The following DHX15 variants were observed in gnomAD, a reference collection of about 807,000 sequenced individuals.
The protein encoded by DHX15 is DEAH-box helicase 15.
Under a neutral mutation model 94.4 loss-of-function variants are expected in DHX15, and 11 were observed. That is an observed-to-expected ratio of 0.12 (90% CI 0.07 to 0.19). DHX15 has a LOEUF of 0.19. Ranked by LOEUF, DHX15 falls within the 10% of genes least tolerant of loss-of-function variation. The probability of loss-of-function intolerance (pLI) is 1.00; values close to 1 mark genes in which losing one functional copy is unlikely to be tolerated. For synonymous variants in DHX15, 338 were observed against 329.9 expected, an observed-to-expected ratio of 1.02 and a Z score of -0.27; for missense variants, 304 against 988.5, an observed-to-expected ratio of 0.31 and a Z score of 9.29.
At chr4:24,555,849 A>C (rs1261540076) in intron 4 of DHX15, among the ~76,000 whole-genome samples, 1 of 152,184 alleles carries the variant, frequency 6.6e-6, no homozygotes, top group African/African-American at 2.4e-5. Context: ...TCCTGTGTAT[A>C]GTTATTTCCA....
At chr4:24,539,440 T>C (rs1721261252) in intron 10 of DHX15, among the ~76,000 whole-genome samples, 3 of 152,194 alleles carry the variant, frequency 2.0e-5, no homozygotes, top group Non-Finnish European at 4.4e-5. Flanking sequence ...TTACTATTCA[T>C]TTGTGGATTA....
At chr4:24,584,118 A>T (rs1379245420) in intron 1 of DHX15, 1 of 581,202 alleles carries the variant, frequency 1.7e-6, no homozygotes, top group Non-Finnish European at 3.0e-6. Context: ...TGGGCTGGGC[A>T]GCGGCCCCGT....
chr4:24,562,752 A>T (rs1212070939), intron 3 of DHX15, among the ~76,000 whole-genome samples: 3 of 152,208 alleles, frequency 2.0e-5, no homozygotes, highest in Non-Finnish European at 2.9e-5. Context: ...TGAAATGATA[A>T]ACCCCAAGCA....
intron 6 of DHX15, among the ~76,000 whole-genome samples, chr4:24,546,652 T>G (rs991992843): frequency 6.6e-6 from 1 of 152,226 alleles, no homozygotes; most frequent in African/African-American, 2.4e-5. Context: ...CGTTCACCAT[T>G]AGTGCTGTAA....
chr4:24,545,268 T>TC (rs1462986076), intron 6 of DHX15, among the ~76,000 whole-genome samples: 2 of 152,254 alleles, frequency 1.3e-5, no homozygotes, highest in African/African-American at 4.8e-5. Context: ...ATATTTCTTC[T>TC]ATAACATAAT....
At chr4:24,536,140 T>C (rs1483437110) in intron 11 of DHX15, among the ~76,000 whole-genome samples, 2 of 152,206 alleles carry the variant, frequency 1.3e-5, no homozygotes, top group African/African-American at 4.8e-5. Context: ...ATTGTTATTA[T>C]GTTTCCTCAT....
chr4:24,540,477 A>G (rs1443056731), intron 9 of DHX15, among the ~76,000 whole-genome samples, 178 bp from the exon 10 acceptor site: 1 of 152,170 alleles, frequency 6.6e-6, no homozygotes, highest in African/African-American at 2.4e-5. Flanking sequence ...AAACATTGCA[A>G]AATTTTCCTG....
intron 5 of DHX15, among the ~76,000 whole-genome samples, chr4:24,553,075 C>G (rs1577340913): frequency 6.6e-6 from 1 of 152,222 alleles, no homozygotes. Context: ...GTAATCCCAG[C>G]ACTTTGGGAG....
At chr4:24,584,291 A>T (rs1250488075) in intron 1 of DHX15, 32 bp downstream of exon 1, 1 of 1,599,704 alleles carries the variant, frequency 6.3e-7, no homozygotes, top group South Asian at 1.1e-5. Flanking sequence ...ACAAAGCCCG[A>T]GCTGCCGCCT....
At chr4:24,577,578 T>A (rs979653931) in intron 1 of DHX15, among the ~76,000 whole-genome samples, 1 of 152,194 alleles carries the variant, frequency 6.6e-6, no homozygotes, top group African/African-American at 2.4e-5. Context: ...TTAAGTTGTT[T>A]AACATGTTAA....
chr4:24,560,839 T>A (rs1721858564), intron 3 of DHX15, among the ~76,000 whole-genome samples: 1 of 152,188 alleles, frequency 6.6e-6, no homozygotes, highest in Non-Finnish European at 1.5e-5. Context: ...TATACAAAAA[T>A]GTTCAATTTC....
chr4:24,533,071 C>T lies in DHX15; in HGVS notation c.1910-17G>A, dbSNP rs750669285. 29 of 1,610,150 alleles carry T rather than the reference C, an allele frequency of 1.8e-5. No homozygotes were observed. The highest frequency in any genetic ancestry group is 1.1e-4 in the African/African-American group (8 of 74,766). ...ATTCATGATCTAAAAAGGTAGAAGG[C>T]GGGGAGAAAAGAAGGCACCATGAAT... On this transcript the variant is annotated splice_polypyrimidine_tract_variant and intron_variant, in intron 11 of 13. Transcript: ENST00000336812.
chr4:24,540,245 T>C lies in DHX15; in HGVS notation c.1649A>G (p.Asn550Ser). Residue 550 changes from asparagine (N) to serine (S), a missense_variant, in exon 10 of 14, where the codon AAT becomes AGT. Physicochemically the swap from Asn to Ser is conservative, Grantham distance 46. Coordinates refer to ENST00000336812, the MANE Select transcript of DHX15 (RefSeq NM_001358.3). ...LELLNYLAALNDDGDLTELGS... is the reference protein window; with the variant it reads ...LELLNYLAALSDDGDLTELGS... ...CAATTCAGTCAGATCTCCATCATCA[T>C]TTAAAGCAGCCAGGTAATTCAAAAG... 6.2e-7 allele frequency: 1 copy of C among 1,613,536 alleles called. No homozygotes were observed. The highest frequency in any genetic ancestry group is 8.5e-7 in the Non-Finnish European group (1 of 1,179,576).
intron 1 of DHX15, among the ~76,000 whole-genome samples, chr4:24,582,794 TCTGAGTCTGTGACATA>T (rs1170736142): frequency 6.6e-6 from 1 of 152,190 alleles, no homozygotes; most frequent in African/African-American, 2.4e-5. Flanking sequence ...TGCTTCCAGC[TCTGAGTCTGTGACATA>T]CAGCTCAGAG....
intron 3 of DHX15, among the ~76,000 whole-genome samples, chr4:24,562,131 CAAAAAAAAA>C (rs71196191): frequency 1.0e-4 from 8 of 77,814 alleles, no homozygotes; most frequent in Admixed American, 3.6e-4. Flanking sequence ...GACACTGTCT[CAAAAAAAAA>C]AAAAAAAAAA....
intron 8 of DHX15, 48 bp downstream of exon 8, chr4:24,541,825 C>A: frequency 6.8e-7 from 1 of 1,477,334 alleles, no homozygotes; most frequent in South Asian, 1.4e-5. Flanking sequence ...TAAGATAATT[C>A]AACCTAACAT....
At chr4:24,569,461 G>T (rs753106134) in intron 3 of DHX15, among the ~76,000 whole-genome samples, 4 of 151,920 alleles carry the variant, frequency 2.6e-5, no homozygotes, top group African/African-American at 9.6e-5. Context: ...GCATGGTGGC[G>T]CACACCTATA....
chr4:24,580,097 C>G (rs1051701272), intron 1 of DHX15, among the ~76,000 whole-genome samples: 2 of 152,170 alleles, frequency 1.3e-5, no homozygotes, highest in Non-Finnish European at 2.9e-5. Context: ...TTTTTAAGTT[C>G]TAATACCATG....
chr4:24,559,387 A>AAAAG (rs1553951047), intron 3 of DHX15, among the ~76,000 whole-genome samples: 41 of 148,880 alleles, frequency 2.8e-4, no homozygotes, highest in South Asian at 1.5e-3. Flanking sequence ...AAAAAAAAAA[A>AAAAG]AAAAAAAAAG....
Sources: allele counts gnomAD v4.1 joint callset (sites outside exome capture counted in the v4.1 genomes callset), GRCh38; gene constraint gnomAD v4.1.1; transcripts MANE v1.5; gene names NCBI Gene and HGNC (gene_info 2026-07-23, HGNC 2026-07-21).